MEI4: variants seen among roughly 807,000 people sequenced by gnomAD.
The protein encoded by MEI4 is meiosis-specific protein MEI4.
In MEI4, 27 loss-of-function variants were observed where a neutral mutation model predicts 31.4. The observed-to-expected ratio is 0.86, with a 90% CI of 0.63 to 1.19. MEI4 has a LOEUF of 1.19. Among genes scored for constraint, MEI4 ranks in the 50% most tolerant of loss-of-function variants. The probability of loss-of-function intolerance (pLI) is 0.00; values close to 1 mark genes in which losing one functional copy is unlikely to be tolerated. For synonymous variants in MEI4, 122 were observed against 145.4 expected, an observed-to-expected ratio of 0.84 and a Z score of 1.16; for missense variants, 329 against 398.9, an observed-to-expected ratio of 0.82 and a Z score of 1.49.
At chr6:77,668,450 A>G (rs544634273) in intron 1 of MEI4, among the ~76,000 whole-genome samples, 3 of 152,266 alleles carry the variant, frequency 2.0e-5, no homozygotes, top group African/African-American at 7.2e-5. Context: ...AACAGACTGT[A>G]TTATTTCTTC....
At chr6:77,901,974 A>G (rs1425751142) in intron 4 of MEI4, among the ~76,000 whole-genome samples, 1 of 151,970 alleles carries the variant, frequency 6.6e-6, no homozygotes, top group Non-Finnish European at 1.5e-5. Context: ...TCCTTTTTCT[A>G]TTGTATATTT....
At chr6:77,767,083 T>A (rs1768194742) in intron 3 of MEI4, among the ~76,000 whole-genome samples, 1 of 152,128 alleles carries the variant, frequency 6.6e-6, no homozygotes, top group African/African-American at 2.4e-5. Context: ...ATAGCTGTAT[T>A]AAACAAACAA....
chr6:77,766,309 C>A lies in MEI4; in HGVS notation c.768+4644C>A, dbSNP rs111255410. Among the ~76,000 whole-genome samples, 792 of 152,236 alleles carry A rather than the reference C, an allele frequency of 5.2e-3. 7 individuals carry two copies. The highest frequency in any genetic ancestry group is 0.019 in the African/African-American group (773 of 41,544). On this transcript the variant is annotated intron_variant, in intron 3 of 4. Transcript: ENST00000684080. ...ATATAGCATTTTGAAGTTGGTGATT[C>A]CCTCTAGTACTGTCGTTTTTGCTTC...
chr6:77,671,000 T>A (rs917001909), intron 1 of MEI4, among the ~76,000 whole-genome samples: 12 of 151,716 alleles, frequency 7.9e-5, no homozygotes, highest in African/African-American at 2.7e-4. Flanking sequence ...CACAATAAAG[T>A]GCTTTTCCTT....
intron 3 of MEI4, among the ~76,000 whole-genome samples, chr6:77,817,277 G>T (rs1243290181): frequency 6.6e-6 from 1 of 152,126 alleles, no homozygotes; most frequent in African/African-American, 2.4e-5. Context: ...CATACTTGCT[G>T]TTTCACAAGC....
intron 1 of MEI4, among the ~76,000 whole-genome samples, chr6:77,667,407 TCCCCTAAGTAC>T (rs949619192): frequency 9.9e-5 from 15 of 152,252 alleles, no homozygotes; most frequent in Admixed American, 2.6e-4. Context: ...TATCCTGTCT[TCCCCTAAGTAC>T]CATATACTTC....
chr6:77,849,960 G>T lies in MEI4; in HGVS notation c.900+20898G>T, dbSNP rs149237396. On this transcript the variant is annotated intron_variant, in intron 4 of 4. Coordinates refer to ENST00000684080, the MANE Select transcript of MEI4 (RefSeq NM_001322247.2). ...CTAATATTAAAGTATAAAAGCAGTG[G>T]CAGAACGCGGTACAAATTAATAGCA... 3.5e-3 allele frequency among the ~76,000 whole-genome samples: 535 copies of T among 152,272 alleles called. 3 individuals carry two copies. The highest frequency in any genetic ancestry group is 0.013 in the African/African-American group (521 of 41,550).
chr6:77,679,606 G>T (rs564094152), intron 1 of MEI4, among the ~76,000 whole-genome samples: 1 of 152,118 alleles, frequency 6.6e-6, no homozygotes, highest in African/African-American at 2.4e-5. Context: ...GACAGCAGTT[G>T]TTAGACTGCA....
intron 3 of MEI4, among the ~76,000 whole-genome samples, chr6:77,814,117 T>TG (rs557590623): frequency 9.3e-4 from 142 of 152,176 alleles, no homozygotes; most frequent in African/African-American, 3.2e-3. Flanking sequence ...AGTGATCGTC[T>TG]GGGGTTCAAC....
At chr6:77,656,885 T>C (rs896618851) in intron 1 of MEI4, among the ~76,000 whole-genome samples, 1 of 152,210 alleles carries the variant, frequency 6.6e-6, no homozygotes, top group Non-Finnish European at 1.5e-5. Flanking sequence ...AAATAGATTT[T>C]AAAAATTACA....
chr6:77,711,511 A>G (rs779224797), intron 2 of MEI4, among the ~76,000 whole-genome samples: 7 of 152,138 alleles, frequency 4.6e-5, no homozygotes, highest in African/African-American at 7.2e-5. Flanking sequence ...GCATTTGACT[A>G]TATTTTCCTA....
At chr6:77,685,878 A>C (rs1235125873) in intron 1 of MEI4, among the ~76,000 whole-genome samples, 1 of 152,132 alleles carries the variant, frequency 6.6e-6, no homozygotes, top group African/African-American at 2.4e-5. Context: ...TGGGAACTAT[A>C]GTGATATGGT....
chr6:77,923,393 A>C lies in MEI4; in HGVS notation c.*47A>C, dbSNP rs768927287. On this transcript the variant is annotated 3_prime_UTR_variant, in exon 5 of 5. Transcript: ENST00000684080. ...CACGTTTGAAGCATAATAAAGTAGA[A>C]TATATGAAAATCTCATACTGAAAAG... 9 of 1,207,876 alleles carry C rather than the reference A, an allele frequency of 7.5e-6. No individual in the cohort carries two copies. In the African/African-American group the frequency reaches 1.3e-4, roughly 17 times the overall value. 74.8% of individuals were successfully genotyped at this position (1,207,876 alleles called of 1,614,324 possible).
At chr6:77,777,649 C>T (rs966337445) in intron 3 of MEI4, among the ~76,000 whole-genome samples, 2 of 152,162 alleles carry the variant, frequency 1.3e-5, no homozygotes, top group African/African-American at 4.8e-5. Context: ...CCAAGAGCTT[C>T]TAGTTAGCTT....
At chr6:77,790,771 T>A (rs539100970) in intron 3 of MEI4, among the ~76,000 whole-genome samples, 3 of 152,160 alleles carry the variant, frequency 2.0e-5, no homozygotes, top group Non-Finnish European at 1.5e-5. Context: ...AACAAAAAAA[T>A]TGTATCTAAT....
chr6:77,712,005 G>T (rs1464982554), intron 2 of MEI4, among the ~76,000 whole-genome samples: 1 of 152,078 alleles, frequency 6.6e-6, no homozygotes, highest in Non-Finnish European at 1.5e-5. Flanking sequence ...TCAGAAAGGG[G>T]TAAATATTTT....
At chr6:77,683,648 G>A (rs1418991043) in intron 1 of MEI4, among the ~76,000 whole-genome samples, 2 of 152,072 alleles carry the variant, frequency 1.3e-5, no homozygotes, top group African/African-American at 4.8e-5. Context: ...AAATCATGCA[G>A]AAGTTATCTT....
chr6:77,693,455 TAGG>T (rs1206259001), intron 2 of MEI4, among the ~76,000 whole-genome samples: 6 of 152,062 alleles, frequency 3.9e-5, no homozygotes, highest in Admixed American at 3.9e-4. Flanking sequence ...ATGTGCCTAA[TAGG>T]AGGAACCTAG....
At chr6:77,861,385 T>A (rs1309163304) in intron 4 of MEI4, among the ~76,000 whole-genome samples, 1 of 152,194 alleles carries the variant, frequency 6.6e-6, no homozygotes, top group African/African-American at 2.4e-5. Context: ...GGCTTTGTTT[T>A]TGTTTTGTTT....
Sources: allele counts gnomAD v4.1 joint callset (sites outside exome capture counted in the v4.1 genomes callset), GRCh38; gene constraint gnomAD v4.1.1; transcripts MANE v1.5; gene names NCBI Gene and HGNC (gene_info 2026-07-23, HGNC 2026-07-21).